Variants in PRDM2 observed in about 807,000 individuals in gnomAD.
PRDM2 encodes the protein PR/SET domain 2.
A neutral mutation model predicts 130.0 loss-of-function variants in PRDM2; 30 were observed. That is an observed-to-expected ratio of 0.23 (90% CI 0.17 to 0.31). The LOEUF (loss-of-function observed/expected upper bound fraction) is 0.31, where lower values mean the gene tolerates loss of function less well. Ranked by LOEUF, PRDM2 falls within the 10% of genes least tolerant of loss-of-function variation. The pLI is 1.00. For synonymous variants in PRDM2, 871 were observed against 782.4 expected (o/e 1.11, Z -1.89); for missense variants, 2,011 against 2,108.4 (o/e 0.95, Z 0.90).
rs753575835 is a variant in PRDM2, at chr1:13,778,626, T to TGAAGAA, written c.843_848dup (p.Glu281_Glu282dup). The TGAAGAA allele has an allele frequency of 8.1e-6, 13 of 1,611,544 alleles. No homozygotes were observed. The highest frequency in any genetic ancestry group is 2.2e-5 in the South Asian group (2 of 90,832). ...AGGAGGAGGAGGAAGAGGAGGAGGA[T>TGAAGAA]GAAGAAGAAGAAGAAGATGATGATG... On this transcript the variant is annotated inframe_insertion, in exon 8 of 10. Coordinates refer to ENST00000311066, the MANE Select transcript of PRDM2 (RefSeq NM_001393986.1).
intron 6 of PRDM2, among the ~76,000 whole-genome samples, chr1:13,758,608 G>A (rs1387876699): frequency 6.6e-6 from 1 of 152,082 alleles, no homozygotes; most frequent in Admixed American, 6.5e-5. Flanking sequence ...ATAGGAGAAG[G>A]TAACTTTGTT....
intron 6 of PRDM2, among the ~76,000 whole-genome samples, chr1:13,760,710 C>G (rs1181716308): frequency 6.6e-6 from 1 of 152,170 alleles, no homozygotes; most frequent in Non-Finnish European, 1.5e-5. Flanking sequence ...GCTACCTACC[C>G]TACAAGGTTG....
intron 1 of PRDM2, among the ~76,000 whole-genome samples, chr1:13,703,589 G>A (rs931248530): frequency 2.6e-5 from 4 of 152,168 alleles, no homozygotes; most frequent in African/African-American, 9.7e-5. Context: ...CATCAGTTTT[G>A]TGGCATGAGG....
chr1:13,800,415 G>C (rs1455161681), intron 8 of PRDM2, among the ~76,000 whole-genome samples: 1 of 152,248 alleles, frequency 6.6e-6, no homozygotes, highest in Non-Finnish European at 1.5e-5. Context: ...GCTGGGAAGG[G>C]AGGCAGGGCG....
intron 8 of PRDM2, among the ~76,000 whole-genome samples, chr1:13,810,665 T>C (rs1393588005): frequency 6.6e-6 from 1 of 151,904 alleles, no homozygotes; most frequent in Admixed American, 6.5e-5. Context: ...CGGCTAATTT[T>C]TTGTATTTTT....
At chr1:13,769,174 G>A (rs2100617445) in intron 6 of PRDM2, 2 of 985,076 alleles carry the variant, frequency 2.0e-6, no homozygotes, top group East Asian at 1.1e-4. Flanking sequence ...GGACCCGATG[G>A]TAAGTGCACT....
intron 8 of PRDM2, chr1:13,786,697 A>T: frequency 6.8e-7 from 1 of 1,469,978 alleles, no homozygotes; most frequent in Non-Finnish European, 9.0e-7. Context: ...AGAGTCAGGC[A>T]TCTGCTGCTT....
In PRDM2 at chr1:13,723,564, C is replaced by T. The variant is rs183818402; in HGVS notation, c.10-7436C>T. Among the ~76,000 whole-genome samples, 1,420 of 152,344 alleles carry T rather than the reference C, an allele frequency of 9.3e-3. 21 individuals are homozygous for T. The highest frequency in any genetic ancestry group is 0.013 in the Non-Finnish European group (894 of 68,038). ...GTTGACCACCCTCACTTCCTGGAGT[C>T]TTCCCCAGCTTTGGTGATGCCATGT... On this transcript the variant is annotated intron_variant, in intron 2 of 9. Transcript: ENST00000311066.
At chr1:13,746,593 G>A (rs1262766733) in intron 5 of PRDM2, among the ~76,000 whole-genome samples, 2 of 151,150 alleles carry the variant, frequency 1.3e-5, no homozygotes, top group South Asian at 2.1e-4. Context: ...GTCTCACTCT[G>A]TCTTGTGGGC....
rs1202435290 is a variant in PRDM2, at chr1:13,773,206, G to C, written c.622+18G>C. The C allele has an allele frequency of 5.4e-6, 8 of 1,469,788 alleles. No homozygotes were observed. Among genetic ancestry groups the C allele is most frequent in the Middle Eastern group, 3.5e-4 (2 of 5,720 alleles). 91.0% of individuals were successfully genotyped at this position (1,469,788 alleles called of 1,614,324 possible). The stretch of plus-strand genomic sequence containing the variant: ...TGCAGAAGGTAAGCTTGTGATATTG[G>C]CTTGGTCTGAATTGGGTGTGTATGT... On this transcript the variant is annotated intron_variant, in intron 7 of 9. Coordinates refer to ENST00000311066, the MANE Select transcript of PRDM2 (RefSeq NM_001393986.1).
chr1:13,717,681 C>CT (rs33938157), intron 2 of PRDM2, among the ~76,000 whole-genome samples: 23 of 148,870 alleles, frequency 1.5e-4, no homozygotes, highest in African/African-American at 4.9e-4. Flanking sequence ...ATAACTACTA[C>CT]TTTTTTTTTT....
intron 1 of PRDM2, among the ~76,000 whole-genome samples, chr1:13,706,318 T>A (rs1642209969): frequency 6.6e-6 from 1 of 152,220 alleles, no homozygotes; most frequent in Non-Finnish European, 1.5e-5. Flanking sequence ...CTTATTCTTT[T>A]CTGTCAACGT....
At chr1:13,700,930 A>G (rs184878572) in intron 1 of PRDM2, among the ~76,000 whole-genome samples, 29 of 152,242 alleles carry the variant, frequency 1.9e-4, no homozygotes, top group Non-Finnish European at 2.9e-4. Flanking sequence ...TAATTTTGCT[A>G]ATAAAGCTAT....
At chr1:13,821,204 T>C (rs1333817874) in intron 9 of PRDM2, among the ~76,000 whole-genome samples, 1 of 152,150 alleles carries the variant, frequency 6.6e-6, no homozygotes, top group African/African-American at 2.4e-5. Flanking sequence ...GTTGAGAAGA[T>C]TGCATAGGTT....
In PRDM2 at chr1:13,742,158, G is replaced by T; in HGVS notation, c.384+1G>T. The T allele has an allele frequency of 6.2e-7, 1 of 1,611,982 alleles. No homozygotes were observed. Among genetic ancestry groups the T allele is most frequent in the Non-Finnish European group, 8.5e-7 (1 of 1,178,672 alleles). On this transcript the variant is annotated splice_donor_variant, in intron 5 of 9. Coordinates refer to ENST00000311066, the MANE Select transcript of PRDM2 (RefSeq NM_001393986.1). LOFTEE classifies it high-confidence loss of function. The stretch of plus-strand genomic sequence containing the variant: ...AGCCATTTACTATAAAACTTTAAAG[G>T]TAACAGCATTAGAATTAATTTACTG...
At chr1:13,700,453 C>G (rs1401437281) in intron 1 of PRDM2, among the ~76,000 whole-genome samples, 153 bp downstream of exon 1, 1 of 149,704 alleles carries the variant, frequency 6.7e-6, no homozygotes, top group Non-Finnish European at 1.5e-5. Context: ...TCAGAGGTCC[C>G]GGGCGTGCCG....
intron 4 of PRDM2, chr1:13,738,992 A>G (rs1359246230): frequency 6.6e-6 from 1 of 151,994 alleles, no homozygotes; most frequent in Non-Finnish European, 1.5e-5. Context: ...TTTAAAAAAA[A>G]AAAGGCTTTC....
intron 8 of PRDM2, among the ~76,000 whole-genome samples, chr1:13,801,933 A>G (rs939249245): frequency 6.6e-6 from 1 of 152,172 alleles, no homozygotes; most frequent in Non-Finnish European, 1.5e-5. Flanking sequence ...GATCCTGGGA[A>G]GGTCTGAGCA....
At chr1:13,814,541 T>C (rs2100763483) in intron 8 of PRDM2, among the ~76,000 whole-genome samples, 1 of 152,324 alleles carries the variant, frequency 6.6e-6, no homozygotes, top group South Asian at 2.1e-4. Flanking sequence ...CTGTCAGCAT[T>C]TGGGGCTGGT....
Sources: gnomAD v4.1 joint callset for allele counts (sites outside exome capture counted in the v4.1 genomes callset) on GRCh38, gnomAD v4.1.1 for gene constraint, MANE v1.5 for transcripts, NCBI Gene and HGNC (gene_info 2026-07-23, HGNC 2026-07-21) for gene names.